The following FAM234B variants were observed in gnomAD, a reference collection of about 807,000 sequenced individuals.
FAM234B encodes the protein protein FAM234B.
Under a neutral mutation model 69.3 loss-of-function variants are expected in FAM234B, and 33 were observed. The ratio of observed to expected loss-of-function variants is 0.48; its 90% CI spans 0.36 to 0.64. The LOEUF is 0.64. Ranked by LOEUF, FAM234B falls within the 30% of genes least tolerant of loss-of-function variation. The pLI is 0.00. For missense variants in FAM234B, 697 were observed against 769.7 expected, an observed-to-expected ratio of 0.91 and a Z score of 1.12; for synonymous variants, 306 against 306.9, an observed-to-expected ratio of 1.00 and a Z score of 0.03.
chr12:13,044,384 C>G lies in FAM234B; in HGVS notation c.-20C>G. On this transcript the variant is annotated 5_prime_UTR_variant, in exon 1 of 13. Transcript: ENST00000197268. This position sits in a 1 kb window ranked among gnomAD's most constrained non-coding sequence, Gnocchi z 5.6. ...TCCCGGCAGAACGCGGGCGCGCGCA[C>G]GCGCACCGGGGCCTCAGCCATGGCG... 3.2e-6 allele frequency: 5 copies of G among 1,550,322 alleles called. No homozygotes were observed. Among genetic ancestry groups the G allele is most frequent in the Non-Finnish European group, 4.4e-6 (5 of 1,147,044 alleles).
intron 9 of FAM234B, among the ~76,000 whole-genome samples, chr12:13,070,583 AG>A (rs1291020976): frequency 2.0e-5 from 3 of 152,188 alleles, no homozygotes; most frequent in Non-Finnish European, 4.4e-5. Context: ...TGAGGCATTT[AG>A]GATGAAGAGC....
chr12:13,061,729 A>G lies in FAM234B; in HGVS notation c.687A>G (p.Thr229=), dbSNP rs148409725. The G allele has an allele frequency of 6.2e-7, 1 of 1,614,108 alleles. No individual in the cohort carries two copies. Among genetic ancestry groups the G allele is most frequent in the Non-Finnish European group, 8.5e-7 (1 of 1,180,002 alleles). Residue 229 remains threonine (T), a synonymous_variant, in exon 4 of 13, where the codon ACA becomes ACG. Coordinates refer to ENST00000197268, the MANE Select transcript of FAM234B (RefSeq NM_020853.2). ...LAETICLVTG[T]HKMLSAFNAT... ...AAACCATCTGCCTTGTGACAGGGACACACAAGATGCTCAGCGCATTCAATG... is the reference window on the plus strand; with the variant it reads ...AAACCATCTGCCTTGTGACAGGGACGCACAAGATGCTCAGCGCATTCAATG...
chr12:13,068,306 A>G lies in FAM234B; in HGVS notation c.1145A>G (p.Asp382Gly). 1 of 1,614,126 alleles carries G rather than the reference A, an allele frequency of 6.2e-7. No individual in the cohort carries two copies. The highest frequency in any genetic ancestry group is 8.5e-7 in the Non-Finnish European group (1 of 1,179,982). ...CGTTGGGGTCTTATTTAACCCAGTG[A>G]TGGTGTTGAACTACTCCAGATGGTG... ...NLSELIDVYS[D>G]GVELLQMVKA... is the part of the protein sequence containing the mutation. Residue 382 changes from aspartate to glycine, a missense_variant and splice_region_variant, in exon 8 of 13, where the codon GAT (aspartate) becomes GGT (glycine). By Grantham distance (94) the Asp-to-Gly change is moderately conservative (BLOSUM62 -1). This residue lies in a region of FAM234B where 313 missense variants were observed against 305.5 expected (regional missense o/e 1.02). Coordinates refer to ENST00000197268, the MANE Select transcript of FAM234B (RefSeq NM_020853.2).
At position 13,045,502 on chromosome 12, in the gene FAM234B, G is replaced by C. The variant is rs575441208; in HGVS notation, c.37+1062G>C. On this transcript the variant is annotated intron_variant, in intron 1 of 12. Transcript: ENST00000197268. ...GTTTGAGCTTGCAGGGGGATTACAGGGTCCTTGTTCTCAAGGAGCTTCCAG... is the reference window on the plus strand; with the variant it reads ...GTTTGAGCTTGCAGGGGGATTACAGCGTCCTTGTTCTCAAGGAGCTTCCAG... Among the ~76,000 whole-genome samples the C allele has an allele frequency of 1.1e-4, 17 of 152,226 alleles. No homozygotes were observed. In the South Asian group the frequency reaches 2.9e-3, roughly 26 times the overall value.
chr12:13,048,815 T>C (rs1245054239), intron 1 of FAM234B, among the ~76,000 whole-genome samples: 1 of 152,224 alleles, frequency 6.6e-6, no homozygotes, highest in East Asian at 1.9e-4. Context: ...TACAGTTCTG[T>C]GTGCCTAGGG....
At chr12:13,080,217 A>C (rs1314000339) in intron 12 of FAM234B, among the ~76,000 whole-genome samples, 1 of 152,146 alleles carries the variant, frequency 6.6e-6, no homozygotes, top group Non-Finnish European at 1.5e-5. Flanking sequence ...AAATAATAGC[A>C]TCTTCCTTAG....
At chr12:13,058,354 A>G in intron 2 of FAM234B, 97 bp from the exon 3 acceptor site, 1 of 902,528 alleles carries the variant, frequency 1.1e-6, no homozygotes, top group Non-Finnish European at 1.9e-6. Flanking sequence ...TAGTCGAGGA[A>G]CTGGAGTCTG....
chr12:13,046,039 T>G (rs1864807048), intron 1 of FAM234B, among the ~76,000 whole-genome samples: 1 of 152,220 alleles, frequency 6.6e-6, no homozygotes, highest in South Asian at 2.1e-4. Flanking sequence ...TGGGCCTGTT[T>G]GGCAGGCAGC....
At position 13,055,937 on chromosome 12, in the gene FAM234B, T is replaced by C; in HGVS notation, c.424T>C (p.Ser142Pro). The C allele has an allele frequency of 5.1e-6, 8 of 1,562,418 alleles. No homozygotes were observed. Among genetic ancestry groups the C allele is most frequent in the Non-Finnish European group, 6.9e-6 (8 of 1,153,740 alleles). The change falls in exon 2 of 13, where the codon TCC becomes CCC. Residue 142 changes from serine to proline, a missense_variant. By Grantham distance (74) the Ser-to-Pro change is moderately conservative. This residue lies in a region of FAM234B where 380 missense variants were observed against 447.1 expected (regional missense o/e 0.85). Coordinates refer to ENST00000197268, the MANE Select transcript of FAM234B (RefSeq NM_020853.2). The stretch of plus-strand genomic sequence containing the variant: ...CAGCACCTGGAGCCGCCACTTGGGC[T>C]CCCAGGGAGGTGAGCTGCAGAATCT... The part of the protein sequence containing the change: ...LHSTWSRHLG[S>P]QGGGDLSPLE...
intron 9 of FAM234B, among the ~76,000 whole-genome samples, 184 bp from the exon 10 acceptor site, chr12:13,071,057 G>A (rs1865099708): frequency 6.6e-6 from 1 of 152,230 alleles, no homozygotes; most frequent in Non-Finnish European, 1.5e-5. Flanking sequence ...GGCTGCAGAA[G>A]CCTGGGGCCT....
In FAM234B at chr12:13,067,385, A is replaced by G. The variant is rs1865052223; in HGVS notation, c.1142+89A>G. 5 of 1,391,596 alleles carry G rather than the reference A, an allele frequency of 3.6e-6. No individual in the cohort carries two copies. The highest frequency in any genetic ancestry group is 1.7e-5 in the Admixed American group (1 of 57,358). 86.2% of individuals were successfully genotyped at this position (1,391,596 alleles called of 1,614,324 possible). ...TCTAAGTTTGGTTGGGCTGGTGAAT[A>G]TGTGGGTAGAGGTTTAGGGGAAACA... On this transcript the variant is annotated intron_variant, in intron 7 of 12. Transcript: ENST00000197268. The surrounding 1 kb of genome is among the most constrained non-coding windows in gnomAD (Gnocchi z 4.7).
rs780811668 is a variant in FAM234B at position 13,066,692 on chromosome 12, G to T, written c.905G>T (p.Arg302Leu). Residue 302 changes from arginine (R) to leucine (L), a missense_variant, in exon 6 of 13, where the codon CGA (arginine) becomes CTA (leucine). By Grantham distance (102) the Arg-to-Leu change is moderately radical (BLOSUM62 -2). This residue lies in a region of FAM234B where 380 missense variants were observed against 447.1 expected (regional missense o/e 0.85). Coordinates refer to ENST00000197268, the MANE Select transcript of FAM234B (RefSeq NM_020853.2). ...GGCCGGACCGGAAATCCAGTGGGTC[G>T]ACCTGTGAAGTACAACATCGTTGGA... ...VSGRTGNPVG[R>L]PVKYNIVGVG... is the part of the protein sequence containing the mutation. 2.5e-6 allele frequency: 4 copies of T among 1,613,806 alleles called. No individual in the cohort carries two copies. In the African/African-American group the frequency reaches 5.3e-5, roughly 22 times the overall value.
chr12:13,081,094 T>C lies in FAM234B; in HGVS notation c.*464T>C, dbSNP rs1865221562. The C allele has an allele frequency of 6.5e-6, 1 of 153,752 alleles. No homozygotes were observed. The highest frequency in any genetic ancestry group is 2.4e-5 in the African/African-American group (1 of 41,624). 9.5% of individuals were successfully genotyped at this position (153,752 alleles called of 1,614,324 possible). On this transcript the variant is annotated 3_prime_UTR_variant, in exon 13 of 13. Transcript: ENST00000197268. The stretch of plus-strand genomic sequence containing the variant: ...TCCTTCTGAAATATATCTGGTTTGT[T>C]TGGTCATTTTGAGACTTCCAGATGC...
chr12:13,044,565 G>A lies in FAM234B; in HGVS notation c.37+125G>A. 2 of 1,020,536 alleles carry A rather than the reference G, an allele frequency of 2.0e-6. No individual in the cohort carries two copies. The highest frequency in any genetic ancestry group is 3.2e-5 in the African/African-American group (2 of 62,658). The allele number at this position is 1,020,536 out of a possible 1,614,324, so 63.2% of individuals were successfully genotyped here. ...CCAGACTCAGCTGCAGGCGCCCGGT[G>A]CCGAGGAGGGTGCAGTCCCTTGGGG... On this transcript the variant is annotated intron_variant, in intron 1 of 12. Transcript: ENST00000197268. This position sits in a 1 kb window ranked among gnomAD's most constrained non-coding sequence, Gnocchi z 5.6.
intron 1 of FAM234B, among the ~76,000 whole-genome samples, chr12:13,052,083 A>G (rs1028613525): frequency 6.6e-5 from 10 of 152,192 alleles, no homozygotes; most frequent in African/African-American, 2.4e-4. Flanking sequence ...TAAATACCAT[A>G]TCATATGTCT....
intron 1 of FAM234B, among the ~76,000 whole-genome samples, chr12:13,053,715 A>G (rs1864899586): frequency 1.3e-5 from 2 of 152,312 alleles, no homozygotes; most frequent in South Asian, 4.1e-4. Context: ...TCTTAACAGA[A>G]AACAGGGTTG....
At chr12:13,069,958 G>T (rs937826174) in intron 9 of FAM234B, among the ~76,000 whole-genome samples, 1 of 152,044 alleles carries the variant, frequency 6.6e-6, no homozygotes, top group African/African-American at 2.4e-5. Flanking sequence ...CGGAAGAAAG[G>T]TGTATAGTAG....
rs563916977 is a variant in FAM234B at position 13,063,823 on chromosome 12, T to C, written c.852+848T>C. Among the ~76,000 whole-genome samples, 256 of 152,366 alleles carry C rather than the reference T, an allele frequency of 1.7e-3. 1 individual carries two copies. The highest frequency in any genetic ancestry group is 6.1e-3 in the African/African-American group (253 of 41,580). On this transcript the variant is annotated intron_variant, in intron 5 of 12. Coordinates refer to ENST00000197268, the MANE Select transcript of FAM234B (RefSeq NM_020853.2). ...CTAGTGTGTCTGCCAAGGAAATGCTTGTGCACAAAAGAGTCAAACAATCGG... is the reference window on the plus strand; with the variant it reads ...CTAGTGTGTCTGCCAAGGAAATGCTCGTGCACAAAAGAGTCAAACAATCGG...
chr12:13,052,113 A>G (rs1591595699), intron 1 of FAM234B, among the ~76,000 whole-genome samples: 1 of 152,092 alleles, frequency 6.6e-6, no homozygotes, highest in East Asian at 1.9e-4. Context: ...GATACCTTTG[A>G]GTGTTTGAAG....
Sources: gnomAD v4.1 joint callset for allele counts (sites outside exome capture counted in the v4.1 genomes callset) on GRCh38, gnomAD v4.1.1 for gene constraint, gnomAD v4.1.1 regional missense constraint, Gnocchi (gnomAD v3.1) non-coding constraint, MANE v1.5 for transcripts, NCBI Gene and HGNC (gene_info 2026-07-23, HGNC 2026-07-21) for gene names.